The following STARD9 variants were observed in gnomAD, a reference collection of about 807,000 sequenced individuals.
STARD9 encodes stAR-related lipid transfer protein 9.
Under a neutral mutation model 399.8 loss-of-function variants are expected in STARD9, and 346 were observed. That is an observed-to-expected ratio of 0.87 (90% CI 0.79 to 0.95). STARD9 has a LOEUF of 0.95. Among genes scored for constraint, STARD9 ranks in the 40% least tolerant of loss-of-function variants. The pLI, the probability that STARD9 is intolerant of heterozygous loss-of-function variation, is 0.00. For synonymous variants in STARD9, 2,203 were observed against 2,143.5 expected (o/e 1.03, Z -0.77); for missense variants, 5,832 against 5,667.5 (o/e 1.03, Z -0.93).
At chr15:42,674,650 CA>C (rs768290159) in intron 17 of STARD9, among the ~76,000 whole-genome samples, 159 bp downstream of exon 17, 14 of 152,170 alleles carry the variant, frequency 9.2e-5, no homozygotes, top group African/African-American at 1.4e-4. Context: ...TGGGACGTCA[CA>C]GGGGGAGACC....
chr15:42,615,477 A>T (rs1345895917), intron 3 of STARD9, among the ~76,000 whole-genome samples: 1 of 152,186 alleles, frequency 6.6e-6, no homozygotes, highest in African/African-American at 2.4e-5. Context: ...AGAATATGAC[A>T]GCATCCCATT....
At chr15:42,649,925 G>T (rs1239337394) in intron 7 of STARD9, among the ~76,000 whole-genome samples, 1 of 142,840 alleles carries the variant, frequency 7.0e-6, no homozygotes, top group African/African-American at 2.7e-5. Context: ...GGAGTGCAAT[G>T]GCGCGATCTC....
Position 42,674,938 on chromosome 15 carries a change from T to G in STARD9, c.1661T>G (p.Val554Gly). The change falls in exon 18 of 33, where the codon GTC (valine) becomes GGC (glycine). Residue 554 changes from valine (V) to glycine (G), a missense_variant. By Grantham distance (109) the Val-to-Gly change is moderately radical. Transcript: ENST00000290607. Reference protein sequence around the residue: ...GARCTVNGREVTASCRLTQGA... With the variant: ...GARCTVNGREGTASCRLTQGA... The stretch of plus-strand genomic sequence containing the variant: ...CGCTGTACAGTCAATGGCCGGGAGG[T>G]CACTGCCTCCTGCCGTCTGACTCAA... 6.5e-7 allele frequency: 1 copy of G among 1,535,972 alleles called. No homozygotes were observed.
intron 3 of STARD9, among the ~76,000 whole-genome samples, chr15:42,603,235 C>T (rs1409373259): frequency 6.6e-6 from 1 of 152,088 alleles, no homozygotes; most frequent in Non-Finnish European, 1.5e-5. Flanking sequence ...GTGCAGCCTG[C>T]CTCAGCCTCC....
rs2060667508 is a variant in STARD9 at position 42,690,570 on chromosome 15, T to C, written c.8992T>C (p.Cys2998Arg). Residue 2998 changes from cysteine (C) to arginine (R), a missense_variant, in exon 23 of 33, where the codon TGT (cysteine) becomes CGT (arginine). By Grantham distance (180) the Cys-to-Arg change is radical (BLOSUM62 -3). Coordinates refer to ENST00000290607, the MANE Select transcript of STARD9 (RefSeq NM_020759.3). Reference sequence around the variant, plus strand: ...TGCCCCACATACTATCCACCCACCCTGTGTAGTACCTTCCAGGGCCTATGA... The same window carrying C: ...TGCCCCACATACTATCCACCCACCCCGTGTAGTACCTTCCAGGGCCTATGA... ...KAAPHTIHPP[C>R]VVPSRAYEMD... 6.5e-7 allele frequency: 1 copy of C among 1,537,076 alleles called. No individual in the cohort carries two copies. Among genetic ancestry groups the C allele is most frequent in the South Asian group, 1.2e-5 (1 of 84,058 alleles).
chr15:42,588,256 T>C (rs2058320659), intron 3 of STARD9, among the ~76,000 whole-genome samples: 1 of 152,090 alleles, frequency 6.6e-6, no homozygotes, highest in Non-Finnish European at 1.5e-5. Context: ...ATCATTAAGC[T>C]TGAGTATGAG....
rs1175721205 is a variant in STARD9, at chr15:42,695,855, G to A, written c.13259G>A (p.Gly4420Asp). Residue 4420 changes from glycine to aspartate, a missense_variant, in exon 26 of 33, where the codon GGC becomes GAC. This residue lies in a region of STARD9 where 5,828 missense variants were observed against 5,651.1 expected (regional missense o/e 1.03). Transcript: ENST00000290607. ...SGYNSSPALS[G>D]QLQFPENMGH... ...TATAATAGCAGCCCAGCCTTGTCAG[G>A]CCAGCTCCAGTTCCCAGAGAATATG... 2.6e-6 allele frequency: 4 copies of A among 1,537,178 alleles called. No individual in the cohort carries two copies. The East Asian group carries it at 9.8e-5, about 38-fold the overall frequency.
At chr15:42,617,164 C>T (rs1471011375) in intron 3 of STARD9, among the ~76,000 whole-genome samples, 3 of 152,136 alleles carry the variant, frequency 2.0e-5, no homozygotes, top group Non-Finnish European at 2.9e-5. Context: ...TGCTTTAGTA[C>T]ATGCTTTACA....
intron 20 of STARD9, among the ~76,000 whole-genome samples, chr15:42,680,193 A>AC (rs2060397515): frequency 6.6e-6 from 1 of 152,052 alleles, no homozygotes; most frequent in East Asian, 1.9e-4. Flanking sequence ...TCCTTACGTG[A>AC]CCCCCAGGGA....
At chr15:42,634,419 T>G (rs1175305857) in intron 3 of STARD9, among the ~76,000 whole-genome samples, 1 of 152,246 alleles carries the variant, frequency 6.6e-6, no homozygotes, top group East Asian at 1.9e-4. Flanking sequence ...CCCTAACTTC[T>G]GGTCTTACTG....
In STARD9 at chr15:42,694,024, A is replaced by C. The variant is rs1265871425; in HGVS notation, c.12446A>C (p.Gln4149Pro). 6.5e-7 allele frequency: 1 copy of C among 1,531,774 alleles called. No homozygotes were observed. Among genetic ancestry groups the C allele is most frequent in the East Asian group, 2.4e-5 (1 of 40,872 alleles). 94.9% of individuals were successfully genotyped at this position (1,531,774 alleles called of 1,614,324 possible). The change falls in exon 23 of 33, where the codon CAG (glutamine) becomes CCG (proline). Residue 4149 changes from glutamine to proline, a missense_variant. Transcript: ENST00000290607. ...HNKFSNWCGV[Q>P]KGSPGGLDMT... is the part of the protein sequence containing the mutation. Reference sequence around the variant, plus strand: ...AAATTTAGTAACTGGTGTGGGGTTCAGAAGGGCTCACCTGGGGGGTTGGAC... The same window carrying C: ...AAATTTAGTAACTGGTGTGGGGTTCCGAAGGGCTCACCTGGGGGGTTGGAC...
intron 7 of STARD9, among the ~76,000 whole-genome samples, chr15:42,648,577 C>G (rs563237694): frequency 4.6e-5 from 7 of 152,282 alleles, no homozygotes; most frequent in Admixed American, 2.6e-4. Flanking sequence ...ACTGTTTTTG[C>G]TGAGAAGTCA....
chr15:42,653,404 G>T (rs953554441), intron 9 of STARD9, among the ~76,000 whole-genome samples: 5 of 152,040 alleles, frequency 3.3e-5, no homozygotes, highest in Middle Eastern at 3.2e-3. Context: ...TAAATTTGTT[G>T]AAAATCATTT....
rs934725523 is a variant in STARD9 at position 42,695,342 on chromosome 15, C to T, written c.13146+19C>T. On this transcript the variant is annotated intron_variant, in intron 25 of 32. Transcript: ENST00000290607. ...ATTGAAGGTGTGGAGTGGGGCATGC[C>T]TCTGATTTCAGGATAGGCCTGGACC... 6.6e-7 allele frequency: 1 copy of T among 1,515,858 alleles called. No individual in the cohort carries two copies. Among genetic ancestry groups the T allele is most frequent in the Non-Finnish European group, 8.8e-7 (1 of 1,133,390 alleles). 93.9% of individuals were successfully genotyped at this position (1,515,858 alleles called of 1,614,324 possible).
chr15:42,715,821 A>T (rs373901319), intron 26 of STARD9, among the ~76,000 whole-genome samples: 12 of 152,196 alleles, frequency 7.9e-5, no homozygotes, highest in Admixed American at 1.3e-4. Context: ...ATTTTTTTTT[A>T]AAATTAGCCA....
chr15:42,634,845 TG>T lies in STARD9; in HGVS notation c.235-10del. 7.0e-7 allele frequency: 1 copy of T among 1,431,030 alleles called. No homozygotes were observed. Among genetic ancestry groups the T allele is most frequent in the South Asian group, 1.2e-5 (1 of 80,136 alleles). The allele number at this position is 1,431,030 out of a possible 1,614,324, so 88.6% of individuals were successfully genotyped here. ...ACCACAGTGATATTTCCTCTGCTTTTGTTGTTACAGGTTTTCCAGGATTTAG... is the reference window on the plus strand; with the variant it reads ...ACCACAGTGATATTTCCTCTGCTTTTTTGTTACAGGTTTTCCAGGATTTAG... On this transcript the variant is annotated splice_polypyrimidine_tract_variant and intron_variant, in intron 3 of 32. Transcript: ENST00000290607.
chr15:42,615,619 T>A (rs2058947364), intron 3 of STARD9, among the ~76,000 whole-genome samples: 1 of 151,206 alleles, frequency 6.6e-6, no homozygotes, highest in Non-Finnish European at 1.5e-5. Flanking sequence ...TGATTATGAC[T>A]ATGGGAGGAA....
chr15:42,631,601 A>G (rs1489204387), intron 3 of STARD9, among the ~76,000 whole-genome samples: 1 of 151,862 alleles, frequency 6.6e-6, no homozygotes, highest in Non-Finnish European at 1.5e-5. Context: ...AAGAAATTTT[A>G]AAATTTTCTT....
chr15:42,718,937 A>G (rs759536845), intron 32 of STARD9, 27 bp downstream of exon 32: 12 of 1,534,794 alleles, frequency 7.8e-6, no homozygotes, highest in Non-Finnish European at 9.6e-6. Context: ...AGCTGGCCTC[A>G]CAGCACAGGC....
Sources: allele counts gnomAD v4.1 joint callset (sites outside exome capture counted in the v4.1 genomes callset), GRCh38; gene constraint gnomAD v4.1.1; regional missense constraint gnomAD v4.1.1; transcripts MANE v1.5; gene names NCBI Gene and HGNC (gene_info 2026-07-23, HGNC 2026-07-21).